ZNF69: variants seen among roughly 807,000 people sequenced by gnomAD.
The protein encoded by ZNF69 is ZNF3.
ZNF69 carries 47 observed loss-of-function variants against 50.9 expected under a neutral mutation model. That is an observed-to-expected ratio of 0.92 (90% CI 0.73 to 1.18). The LOEUF is 1.18. ZNF69 is among the 50% of genes most tolerant of loss of function. The pLI is 0.00. For synonymous variants in ZNF69, 216 were observed against 223.1 expected, an observed-to-expected ratio of 0.97 and a Z score of 0.29; for missense variants, 717 against 675.1, an observed-to-expected ratio of 1.06 and a Z score of -0.69.
the ZNF69 span, among the ~76,000 whole-genome samples, chr19:11,935,233 GTTTTTTTTTTT>G: frequency 6.4e-5 from 6 of 93,212 alleles, no homozygotes; most frequent in East Asian, 2.0e-3. Flanking sequence ...GAAAGATCTT[GTTTTTTTTTTT>G]TTTTTTTTTT....
chr19:11,956,232 G>A, the ZNF69 span, among the ~76,000 whole-genome samples: 1 of 152,176 alleles, frequency 6.6e-6, no homozygotes, highest in African/African-American at 2.4e-5. Context: ...GTATCAAAAG[G>A]ATCCTACCTC....
At chr19:11,900,752 T>C (rs1461019354) in intron 1 of ZNF69, among the ~76,000 whole-genome samples, 1 of 152,202 alleles carries the variant, frequency 6.6e-6, no homozygotes, top group Non-Finnish European at 1.5e-5. Context: ...GTCTTGCAAA[T>C]ATTTTGTCCC....
chr19:11,915,745 A>G (rs1972516348), downstream of ZNF69, among the ~76,000 whole-genome samples: 1 of 152,186 alleles, frequency 6.6e-6, no homozygotes, highest in Admixed American at 6.5e-5. Flanking sequence ...CTCTACTAAA[A>G]ATACAAAAAG....
downstream of ZNF69, among the ~76,000 whole-genome samples, chr19:11,910,616 G>A (rs144231304): frequency 0.024 from 3,683 of 152,132 alleles, 154 homozygotes; most frequent in African/African-American, 0.081. Flanking sequence ...CTGGCTAGCC[G>A]TATGTAGAAA....
Position 11,900,891 on chromosome 19 carries a change from T to C in ZNF69, c.64-2682T>C, listed in dbSNP as rs142130401. On this transcript the variant is annotated intron_variant, in intron 1 of 3. Transcript: ENST00000429654. Reference sequence around the variant, plus strand: ...TTTTGTGTTGTGTGTGAAACCTTATTGCCAAATCCAAGGTCGTCTTGGTTT... The same window carrying C: ...TTTTGTGTTGTGTGTGAAACCTTATCGCCAAATCCAAGGTCGTCTTGGTTT... 9.0e-3 allele frequency among the ~76,000 whole-genome samples: 1,373 copies of C among 152,348 alleles called. 7 individuals are homozygous for C. Among genetic ancestry groups the C allele is most frequent in the Non-Finnish European group, 0.014 (945 of 68,024 alleles).
At chr19:11,947,712 A>T in the ZNF69 span, 2 of 910,260 alleles carry the variant, frequency 2.2e-6, no homozygotes, top group South Asian at 1.7e-5. Context: ...CAAAAAACAT[A>T]TATTTAAACG....
the ZNF69 span, chr19:11,948,710 A>G: frequency 6.2e-7 from 1 of 1,612,940 alleles, no homozygotes; most frequent in South Asian, 1.1e-5. Context: ...TTTTGTGGGA[A>G]AGCCTTCCAT....
At chr19:11,963,049 GT>G in the ZNF69 span, among the ~76,000 whole-genome samples, 2 of 150,556 alleles carry the variant, frequency 1.3e-5, no homozygotes, top group African/African-American at 4.9e-5. Flanking sequence ...ATCCAAGGGG[GT>G]CAGGGTTTCC....
chr19:11,947,224 A>T, the ZNF69 span: 1 of 1,614,038 alleles, frequency 6.2e-7, no homozygotes, highest in Non-Finnish European at 8.5e-7. Flanking sequence ...TTCACCCAGG[A>T]AGAGTGGACA....
the ZNF69 span, among the ~76,000 whole-genome samples, chr19:11,926,847 G>C: frequency 1.3e-5 from 2 of 152,260 alleles, no homozygotes; most frequent in South Asian, 4.1e-4. Flanking sequence ...ATTTCAGTTG[G>C]AAGAGTTTAT....
At chr19:11,889,161 A>G (rs991850079) in intron 1 of ZNF69, among the ~76,000 whole-genome samples, 2 of 152,136 alleles carry the variant, frequency 1.3e-5, no homozygotes, top group African/African-American at 2.4e-5. Flanking sequence ...CATCCCAGCC[A>G]AAAAACAGAC....
chr19:11,941,558 C>G, the ZNF69 span, among the ~76,000 whole-genome samples: 3 of 152,224 alleles, frequency 2.0e-5, no homozygotes, highest in Non-Finnish European at 2.9e-5. Flanking sequence ...CCCTCATTGC[C>G]CAGGGCCAGC....
At chr19:11,932,635 AT>A in the ZNF69 span, among the ~76,000 whole-genome samples, 163 of 116,826 alleles carry the variant, frequency 1.4e-3, 2 homozygotes, top group Admixed American at 2.4e-3. Flanking sequence ...CCAATATGTG[AT>A]TTTTTTTTTT....
At chr19:11,951,518 T>C in the ZNF69 span, among the ~76,000 whole-genome samples, 1 of 152,114 alleles carries the variant, frequency 6.6e-6, no homozygotes, top group Non-Finnish European at 1.5e-5. Context: ...CATGAGCCAC[T>C]GGGCCCGGCC....
At chr19:11,958,203 T>G in the ZNF69 span, among the ~76,000 whole-genome samples, 3 of 152,222 alleles carry the variant, frequency 2.0e-5, no homozygotes, top group African/African-American at 7.2e-5. Flanking sequence ...CTGAGTTGTA[T>G]CCTTCATAGT....
the ZNF69 span, chr19:11,948,653 G>A: frequency 2.2e-5 from 35 of 1,611,288 alleles, no homozygotes; most frequent in African/African-American, 3.2e-4. Context: ...TCAAGCATTC[G>A]AAGACACATG....
chr19:11,947,572 C>T, the ZNF69 span: 1 of 1,613,356 alleles, frequency 6.2e-7, no homozygotes, highest in Non-Finnish European at 8.5e-7. Context: ...GAAGAAGCTT[C>T]AGGTAATTTG....
the ZNF69 span, chr19:11,947,294 C>T: frequency 1.2e-6 from 2 of 1,613,950 alleles, no homozygotes; most frequent in Non-Finnish European, 1.7e-6. Context: ...CTTTCAGGAA[C>T]CTGACCTCTA....
At chr19:11,931,797 T>A in the ZNF69 span, among the ~76,000 whole-genome samples, 2 of 148,430 alleles carry the variant, frequency 1.3e-5, no homozygotes, top group African/African-American at 5.2e-5. Context: ...TTCTTGAGAC[T>A]TTTTTGGACT....
Sources: allele counts gnomAD v4.1 joint callset (sites outside exome capture counted in the v4.1 genomes callset), GRCh38; gene constraint gnomAD v4.1.1; transcripts MANE v1.5; gene names NCBI Gene and HGNC (gene_info 2026-07-23, HGNC 2026-07-21).